The following PRKN variants were observed in gnomAD, a reference collection of about 807,000 sequenced individuals.
The protein encoded by PRKN is parkin RBR E3 ubiquitin protein ligase.
A neutral mutation model predicts 59.5 loss-of-function variants in PRKN; 56 were observed. The ratio of observed to expected loss-of-function variants is 0.94; its 90% CI spans 0.76 to 1.18. The LOEUF is 1.18. Among genes scored for constraint, PRKN ranks in the 50% most tolerant of loss-of-function variants. The probability of loss-of-function intolerance (pLI) is 0.00; values close to 1 mark genes in which losing one functional copy is unlikely to be tolerated. For missense variants in PRKN, 657 were observed against 596.4 expected (o/e 1.10, Z -1.06); for synonymous variants, 250 against 222.1 (o/e 1.13, Z -1.12).
At chr6:162,480,303 T>C (rs1182107548) in intron 1 of PRKN, among the ~76,000 whole-genome samples, 1 of 152,026 alleles carries the variant, frequency 6.6e-6, no homozygotes, top group Non-Finnish European at 1.5e-5. Flanking sequence ...TCCATGACAA[T>C]CTTATGGGAC....
In PRKN at chr6:162,331,137, T is replaced by G. The variant is rs558339322; in HGVS notation, c.172-68372A>C. Among the ~76,000 whole-genome samples the G allele has an allele frequency of 2.7e-3, 411 of 150,422 alleles. 1 individual carries two copies. Among genetic ancestry groups the G allele is most frequent in the Non-Finnish European group, 5.0e-3 (339 of 67,848 alleles). ...TGAGGTCTGGAATTCAAGGCCAGCC[T>G]GGCCAACGTGGTGAAACCCCATCTC... On this transcript the variant is annotated intron_variant, in intron 2 of 11. Coordinates refer to ENST00000366898, the MANE Select transcript of PRKN (RefSeq NM_004562.3).
intron 7 of PRKN, among the ~76,000 whole-genome samples, chr6:161,766,457 G>A (rs1008502663): frequency 4.6e-5 from 7 of 151,992 alleles, no homozygotes; most frequent in Non-Finnish European, 8.8e-5. Flanking sequence ...ACAGGTGCAC[G>A]CCACCATGCC....
intron 6 of PRKN, among the ~76,000 whole-genome samples, chr6:161,791,898 T>C (rs1354422427): frequency 1.3e-5 from 2 of 152,186 alleles, no homozygotes; most frequent in Non-Finnish European, 2.9e-5. Flanking sequence ...GAAACGGCAA[T>C]GTGTGACTTC....
chr6:162,071,040 TCA>T (rs1157967608), intron 4 of PRKN, among the ~76,000 whole-genome samples: 2 of 152,214 alleles, frequency 1.3e-5, no homozygotes, highest in Middle Eastern at 3.4e-3. Context: ...AGTGAAGCAG[TCA>T]CAGAGCTCAG....
At chr6:162,475,710 T>G (rs1583637611) in intron 1 of PRKN, among the ~76,000 whole-genome samples, 1 of 71,492 alleles carries the variant, frequency 1.4e-5, no homozygotes, top group African/African-American at 4.5e-5. Flanking sequence ...ACACCACTAT[T>G]TATTTATTTA....
At chr6:162,273,021 G>GAAAAAAAAAAAAAAAAA (rs1448668925) in intron 2 of PRKN, among the ~76,000 whole-genome samples, 1 of 137,436 alleles carries the variant, frequency 7.3e-6, no homozygotes, top group Non-Finnish European at 1.6e-5. Flanking sequence ...AAAAAAAAAG[G>GAAAAAAAAAAAAAAAAA]AAAAAAAATT....
intron 1 of PRKN, among the ~76,000 whole-genome samples, chr6:162,567,390 C>T (rs1054049457): frequency 6.6e-6 from 1 of 152,098 alleles, no homozygotes; most frequent in Non-Finnish European, 1.5e-5. Flanking sequence ...CCACAAGAAA[C>T]CATTAGAACT....
chr6:161,348,632 G>A lies in PRKN; in HGVS notation c.*1467C>T. On this transcript the variant is annotated 3_prime_UTR_variant, in exon 12 of 12. Transcript: ENST00000366898. This position sits in a 1 kb window ranked among gnomAD's most constrained non-coding sequence, Gnocchi z 4.9. ...GAGTTCATCCCCTCTCTTCCCTCCAGCAAGGATTTCAGTGCTACATCTAAA... is the reference window on the plus strand; with the variant it reads ...GAGTTCATCCCCTCTCTTCCCTCCAACAAGGATTTCAGTGCTACATCTAAA... The A allele has an allele frequency of 4.8e-6, 1 of 209,636 alleles. No individual in the cohort carries two copies. Among genetic ancestry groups the A allele is most frequent in the East Asian group, 7.1e-5 (1 of 14,058 alleles). The allele number at this position is 209,636 out of a possible 1,614,324, so 13.0% of individuals were successfully genotyped here.
At chr6:161,869,374 A>G (rs1293449499) in intron 6 of PRKN, among the ~76,000 whole-genome samples, 2 of 151,740 alleles carry the variant, frequency 1.3e-5, no homozygotes, top group Non-Finnish European at 2.9e-5. Flanking sequence ...GCAAGACTCC[A>G]TCTCAAATAA....
chr6:162,313,816 C>G (rs1782634973), intron 2 of PRKN, among the ~76,000 whole-genome samples: 1 of 152,074 alleles, frequency 6.6e-6, no homozygotes, highest in Non-Finnish European at 1.5e-5. Flanking sequence ...TATCCATTCA[C>G]ACATCAATGA....
Position 161,348,835 on chromosome 6 carries a change from A to G in PRKN, c.*1264T>C. On this transcript the variant is annotated 3_prime_UTR_variant, in exon 12 of 12. Transcript: ENST00000366898. This position sits in a 1 kb window ranked among gnomAD's most constrained non-coding sequence, Gnocchi z 4.9. ...TCTTCTGCGTAGTGTGGGTAAGAGC[A>G]TGCGGTTTGCCGCATGCAGTGTTGT... The G allele has an allele frequency of 4.8e-6, 1 of 209,498 alleles. No homozygotes were observed. The highest frequency in any genetic ancestry group is 9.7e-6 in the Non-Finnish European group (1 of 103,006). 13.0% of individuals were successfully genotyped at this position (209,498 alleles called of 1,614,324 possible). A position where few individuals can be genotyped will look rare whatever the true frequency, so the allele number is the denominator to read the frequency against.
chr6:161,754,851 T>C (rs1222853318), intron 7 of PRKN, among the ~76,000 whole-genome samples: 1 of 152,238 alleles, frequency 6.6e-6, no homozygotes, highest in African/African-American at 2.4e-5. Flanking sequence ...TTTAGCCTCT[T>C]TAGTGTGTTA....
At chr6:162,680,756 C>A (rs184456785) in intron 1 of PRKN, among the ~76,000 whole-genome samples, 1 of 152,266 alleles carries the variant, frequency 6.6e-6, no homozygotes, top group African/African-American at 2.4e-5. Flanking sequence ...CACTCCTTCT[C>A]ATAAATTCAG....
chr6:162,695,543 T>C (rs1405072662), intron 1 of PRKN, among the ~76,000 whole-genome samples: 3 of 152,174 alleles, frequency 2.0e-5, no homozygotes, highest in African/African-American at 7.2e-5. Context: ...CTAATTTTTC[T>C]ATCAATTTCT....
chr6:161,351,151 A>T (rs1293387160), intron 11 of PRKN, among the ~76,000 whole-genome samples: 1 of 131,114 alleles, frequency 7.6e-6, no homozygotes, highest in Non-Finnish European at 1.6e-5. Flanking sequence ...TTTAAAATAT[A>T]TATAAATATA....
chr6:161,806,250 G>A (rs1791315342), intron 6 of PRKN, among the ~76,000 whole-genome samples: 1 of 152,174 alleles, frequency 6.6e-6, no homozygotes, highest in South Asian at 2.1e-4. Flanking sequence ...CTGCCCATCT[G>A]CAGCAGAGGG....
At chr6:162,332,118 A>T (rs1456697040) in intron 2 of PRKN, among the ~76,000 whole-genome samples, 1 of 152,158 alleles carries the variant, frequency 6.6e-6, no homozygotes, top group Non-Finnish European at 1.5e-5. Context: ...TAATCCAGGC[A>T]TGTGGTTTCT....
intron 1 of PRKN, among the ~76,000 whole-genome samples, chr6:162,698,340 C>T (rs1229718496): frequency 6.6e-6 from 1 of 152,156 alleles, no homozygotes; most frequent in African/African-American, 2.4e-5. Flanking sequence ...TGACACAGTC[C>T]TTGTTAATGA....
rs1209177701 is a variant in PRKN at position 161,399,238 on chromosome 6, A to G, written c.1084-12361T>C. Among the ~76,000 whole-genome samples the G allele has an allele frequency of 6.6e-6, 1 of 152,146 alleles. No individual in the cohort carries two copies. The highest frequency in any genetic ancestry group is 1.9e-4 in the East Asian group (1 of 5,194). On this transcript the variant is annotated intron_variant, in intron 9 of 11. Coordinates refer to ENST00000366898, the MANE Select transcript of PRKN (RefSeq NM_004562.3). This position sits in a 1 kb window ranked among gnomAD's most constrained non-coding sequence, Gnocchi z 4.4. The stretch of plus-strand genomic sequence containing the variant: ...CATCCACCACTCAATAAAACCCTGC[A>G]GTCACCATCCTTCAAGTCCATGGGT...
Sources: allele counts gnomAD v4.1 joint callset (sites outside exome capture counted in the v4.1 genomes callset), GRCh38; gene constraint gnomAD v4.1.1; non-coding constraint Gnocchi (gnomAD v3.1); transcripts MANE v1.5; gene names NCBI Gene and HGNC (gene_info 2026-07-23, HGNC 2026-07-21).